Variants in FAM3C observed in about 807,000 individuals in gnomAD.
FAM3C encodes the protein FAM3 metabolism regulating signaling molecule C, also known as protein FAM3C.
Under a neutral mutation model 32.5 loss-of-function variants are expected in FAM3C, and 15 were observed. The observed-to-expected ratio is 0.46, with a 90% CI of 0.31 to 0.71. The LOEUF (loss-of-function observed/expected upper bound fraction) is 0.71, where lower values mean the gene tolerates loss of function less well. Ranked by LOEUF, FAM3C falls within the 30% of genes least tolerant of loss-of-function variation. The pLI, the probability that FAM3C is intolerant of heterozygous loss-of-function variation, is 0.05. For missense variants in FAM3C, 175 were observed against 274.4 expected (o/e 0.64, Z 2.56); for synonymous variants, 75 against 86.1 (o/e 0.87, Z 0.72).
At chr7:121,375,033 C>G (rs1794214303) in intron 3 of FAM3C, among the ~76,000 whole-genome samples, 1 of 152,070 alleles carries the variant, frequency 6.6e-6, no homozygotes, top group South Asian at 2.1e-4. Flanking sequence ...CTGGGTGAAG[C>G]ACCAAAATAG....
intron 3 of FAM3C, among the ~76,000 whole-genome samples, chr7:121,374,049 G>A (rs540225728): frequency 6.7e-6 from 1 of 149,824 alleles, no homozygotes; most frequent in South Asian, 2.2e-4. Flanking sequence ...CAGCAATATA[G>A]ACAAAAATAA....
At chr7:121,372,752 G>A (rs1794173293) in intron 3 of FAM3C, among the ~76,000 whole-genome samples, 1 of 152,134 alleles carries the variant, frequency 6.6e-6, no homozygotes, top group South Asian at 2.1e-4. Context: ...TCTGATCCCA[G>A]CCCAGGAGAT....
intron 5 of FAM3C, among the ~76,000 whole-genome samples, chr7:121,367,091 A>G (rs1794037120): frequency 6.6e-6 from 1 of 152,188 alleles, no homozygotes; most frequent in African/African-American, 2.4e-5. Flanking sequence ...TAACAAATAA[A>G]AAATCCACTG....
intron 8 of FAM3C, among the ~76,000 whole-genome samples, chr7:121,358,295 A>G (rs1793850839): frequency 6.6e-6 from 1 of 152,112 alleles, no homozygotes. Context: ...TAAAAATACA[A>G]ATTTCTGTAT....
chr7:121,376,118 G>A (rs981208761), intron 3 of FAM3C, among the ~76,000 whole-genome samples: 1 of 152,178 alleles, frequency 6.6e-6, no homozygotes, highest in Non-Finnish European at 1.5e-5. Flanking sequence ...CACCAGGCTG[G>A]CTATCAGGTA....
At chr7:121,393,522 G>C (rs1794621213) in intron 1 of FAM3C, among the ~76,000 whole-genome samples, 1 of 152,106 alleles carries the variant, frequency 6.6e-6, no homozygotes, top group Non-Finnish European at 1.5e-5. Context: ...ACTCACTGAA[G>C]TTAGAAAAAT....
At chr7:121,386,896 T>G (rs1044783014) in intron 1 of FAM3C, among the ~76,000 whole-genome samples, 2 of 151,932 alleles carry the variant, frequency 1.3e-5, no homozygotes, top group African/African-American at 2.4e-5. Flanking sequence ...ATGTTGCATT[T>G]ACAAACAAAA....
At chr7:121,374,550 G>C (rs1794206074) in intron 3 of FAM3C, among the ~76,000 whole-genome samples, 1 of 152,038 alleles carries the variant, frequency 6.6e-6, no homozygotes, top group Non-Finnish European at 1.5e-5. Context: ...TCCTCCTACT[G>C]GATTAAATAT....
At chr7:121,350,641 T>C (rs1014476262) in intron 9 of FAM3C, 91 bp from the exon 10 acceptor site, 6 of 1,292,750 alleles carry the variant, frequency 4.6e-6, no homozygotes, top group Non-Finnish European at 5.5e-6. Context: ...ATTTCAGTAA[T>C]ACTCATGTCA....
chr7:121,392,919 T>C (rs2116978758), intron 1 of FAM3C, among the ~76,000 whole-genome samples: 1 of 152,314 alleles, frequency 6.6e-6, no homozygotes, highest in African/African-American at 2.4e-5. Flanking sequence ...GACGAACCTC[T>C]AAAACATGCT....
chr7:121,387,241 G>A (rs146010788), intron 1 of FAM3C, among the ~76,000 whole-genome samples: 3 of 151,582 alleles, frequency 2.0e-5, no homozygotes, highest in African/African-American at 7.3e-5. Context: ...AACCAGTTTT[G>A]GCTTGTGGGC....
At chr7:121,360,693 G>T (rs975269343) in intron 7 of FAM3C, among the ~76,000 whole-genome samples, 4 of 152,024 alleles carry the variant, frequency 2.6e-5, no homozygotes, top group African/African-American at 9.7e-5. Flanking sequence ...AATTAGCCGA[G>T]CTTGGTGGCA....
chr7:121,380,920 G>A (rs758615349), intron 2 of FAM3C, among the ~76,000 whole-genome samples: 2 of 151,882 alleles, frequency 1.3e-5, no homozygotes, highest in African/African-American at 2.4e-5. Context: ...ACTAGTCAGC[G>A]GCAACATTGA....
At position 121,379,128 on chromosome 7, in the gene FAM3C, C is replaced by T. The variant is rs573186618; in HGVS notation, c.14-114G>A. ...AGATCAATACATTTCTACTTTGTAT[C>T]TATTAGATCTTAATTTTACATGAGA... On this transcript the variant is annotated intron_variant, in intron 2 of 9. Transcript: ENST00000359943. 1.4e-4 allele frequency: 84 copies of T among 591,078 alleles called. 1 individual carries two copies. The African/African-American group carries it at 1.5e-3, about 10-fold the overall frequency. The allele number at this position is 591,078 out of a possible 1,614,324, so 36.6% of individuals were successfully genotyped here.
chr7:121,384,386 C>T (rs1794424402), intron 1 of FAM3C, among the ~76,000 whole-genome samples: 1 of 152,172 alleles, frequency 6.6e-6, no homozygotes, highest in Admixed American at 6.5e-5. Flanking sequence ...TAAATGAAAA[C>T]CCCAACTGGT....
rs557584995 is a variant in FAM3C at position 121,387,880 on chromosome 7, C to T, written c.-41-4870G>A. Among the ~76,000 whole-genome samples, 131 of 152,024 alleles carry T rather than the reference C, an allele frequency of 8.6e-4. 1 individual carries two copies. The highest frequency in any genetic ancestry group is 1.3e-3 in the Non-Finnish European group (89 of 67,938). ...TTCCAAATATTTAGCTTTAAAAAAC[C>T]TTGTCTTTAATAACAAGTTATTACT... is the stretch of plus-strand genomic sequence containing the variant. On this transcript the variant is annotated intron_variant, in intron 1 of 9. Coordinates refer to ENST00000359943, the MANE Select transcript of FAM3C (RefSeq NM_014888.3).
At chr7:121,393,068 G>A (rs1243879601) in intron 1 of FAM3C, among the ~76,000 whole-genome samples, 1 of 152,156 alleles carries the variant, frequency 6.6e-6, no homozygotes, top group African/African-American at 2.4e-5. Context: ...ATGAACAACT[G>A]CTTAATGAAT....
At chr7:121,375,714 T>C (rs1435808920) in intron 3 of FAM3C, among the ~76,000 whole-genome samples, 1 of 152,176 alleles carries the variant, frequency 6.6e-6, no homozygotes, top group South Asian at 2.1e-4. Context: ...TACCACACTG[T>C]AGCTTCACCC....
intron 1 of FAM3C, among the ~76,000 whole-genome samples, chr7:121,391,048 G>A (rs1346244207): frequency 2.0e-5 from 3 of 152,100 alleles, no homozygotes; most frequent in African/African-American, 7.2e-5. Context: ...CCTGTTTGCA[G>A]GGGTTAAACC....
Sources: allele counts gnomAD v4.1 joint callset (sites outside exome capture counted in the v4.1 genomes callset), GRCh38; gene constraint gnomAD v4.1.1; transcripts MANE v1.5; gene names NCBI Gene and HGNC (gene_info 2026-07-23, HGNC 2026-07-21).